Variants in IGSF8 observed in about 807,000 individuals in gnomAD.
IGSF8 encodes CD81 partner 3.
IGSF8 carries 46 observed loss-of-function variants against 55.5 expected under a neutral mutation model. That is an observed-to-expected ratio of 0.83 (90% CI 0.65 to 1.06). The LOEUF (loss-of-function observed/expected upper bound fraction) is 1.06. Ranked by LOEUF, IGSF8 falls within the 50% of genes least tolerant of loss-of-function variation. The pLI, the probability that IGSF8 is intolerant of heterozygous loss-of-function variation, is 0.00. For synonymous variants in IGSF8, 314 were observed against 356.1 expected, an observed-to-expected ratio of 0.88 and a Z score of 1.33; for missense variants, 731 against 832.3, an observed-to-expected ratio of 0.88 and a Z score of 1.50.
chr1:160,097,882 G>C, intron 1 of IGSF8: 1 of 985,492 alleles, frequency 1.0e-6, no homozygotes, highest in Non-Finnish European at 1.2e-6. Flanking sequence ...ACCCAGGGTG[G>C]AGATGGGGGT....
rs1557986144 is a variant in IGSF8 at position 160,092,914 on chromosome 1, C to A, written c.1312+10G>T. Reference sequence around the variant, plus strand: ...CCTCGAACCCCGTCCAGGGCCCAGCCCCCTCTCACCTTCCTCCCGCACATG... The same window carrying A: ...CCTCGAACCCCGTCCAGGGCCCAGCACCCTCTCACCTTCCTCCCGCACATG... On this transcript the variant is annotated intron_variant, in intron 4 of 6. Transcript: ENST00000314485. 6.3e-7 allele frequency: 1 copy of A among 1,587,262 alleles called. No homozygotes were observed. The highest frequency in any genetic ancestry group is 8.6e-7 in the Non-Finnish European group (1 of 1,160,196).
rs1391943308 is a variant in IGSF8 at position 160,092,521 on chromosome 1, A to T, written c.1487T>A (p.Leu496Gln). Residue 496 changes from leucine (L) to glutamine (Q), a missense_variant, in exon 5 of 7, where the codon CTG (leucine) becomes CAG (glutamine). By Grantham distance (113) the Leu-to-Gln change is moderately radical. Transcript: ENST00000314485. ...ACCATCCTGGCCTACGCCACCCACC[A>T]GCTGGGCAGGGACAGAGCTGAGCTC... ...DGELSSVPAQLVGGVGQDGVA... is the reference protein window; with the variant it reads ...DGELSSVPAQQVGGVGQDGVA... 1 of 1,613,136 alleles carries T rather than the reference A, an allele frequency of 6.2e-7. No individual in the cohort carries two copies. The highest frequency in any genetic ancestry group is 1.7e-5 in the Admixed American group (1 of 59,978).
intron 1 of IGSF8, chr1:160,097,899 G>A: frequency 4.1e-6 from 4 of 985,444 alleles, no homozygotes; most frequent in Middle Eastern, 5.2e-4. Flanking sequence ...GGGTGAGAGA[G>A]GGAACTGCCC....
At position 160,093,989 on chromosome 1, in the gene IGSF8, C is replaced by G. The variant is rs150607977; in HGVS notation, c.625G>C (p.Ala209Pro). ...AVSFGRSVPEAPVGRSTLQEV... is the reference protein window; with the variant it reads ...AVSFGRSVPEPPVGRSTLQEV... ...TGCAGAGTTGACCGCCCAACTGGTGCCTCGGGCACAGATCGCCCAAAGGAC... is the reference window on the plus strand; with the variant it reads ...TGCAGAGTTGACCGCCCAACTGGTGGCTCGGGCACAGATCGCCCAAAGGAC... The change falls in exon 3 of 7, where the codon GCA becomes CCA. Residue 209 changes from alanine (A) to proline (P), a missense_variant. Coordinates refer to ENST00000314485, the MANE Select transcript of IGSF8 (RefSeq NM_052868.6). 10 of 1,614,118 alleles carry G rather than the reference C, an allele frequency of 6.2e-6. No individual in the cohort carries two copies. In the African/African-American group the frequency reaches 1.3e-4, roughly 22 times the overall value.
chr1:160,097,693 C>T (rs1650527172), intron 1 of IGSF8: 1 of 985,436 alleles, frequency 1.0e-6, no homozygotes, highest in Non-Finnish European at 1.2e-6. Context: ...GCCCAGAACA[C>T]CCCACCATGA....
At position 160,094,927 on chromosome 1, in the gene IGSF8, G is replaced by A. The variant is rs1281923823; in HGVS notation, c.384C>T (p.His128=). Residue 128 remains histidine (H), a synonymous_variant, in exon 2 of 7, where the codon CAC becomes CAT. Transcript: ENST00000314485. This position sits in a 1 kb window ranked among gnomAD's most constrained non-coding sequence, Gnocchi z 4.0. Reference sequence around the variant, plus strand: ...GGTAGCGGGTATCAGTGGAGGGGGTGTGGCACTCATAAATGCCGGCATCCT... The same window carrying A: ...GGTAGCGGGTATCAGTGGAGGGGGTATGGCACTCATAAATGCCGGCATCCT... ...QAQDAGIYEC[H]TPSTDTRYLG... is the part of the protein sequence containing the mutation. 6.2e-7 allele frequency: 1 copy of A among 1,614,108 alleles called. No individual in the cohort carries two copies. Among genetic ancestry groups the A allele is most frequent in the Non-Finnish European group, 8.5e-7 (1 of 1,180,020 alleles).
rs1471237113 is a variant in IGSF8 at position 160,094,804 on chromosome 1, ACTTGTGGC to A, written c.442+57_442+64del. 4 of 1,530,388 alleles carry A rather than the reference ACTTGTGGC, an allele frequency of 2.6e-6. No homozygotes were observed. The highest frequency in any genetic ancestry group is 3.5e-6 in the Non-Finnish European group (4 of 1,128,538). 94.8% of individuals were successfully genotyped at this position (1,530,388 alleles called of 1,614,324 possible). ...AACCTAAGGGGCAACTAGATAGGTC[ACTTGTGGC>A]CTTGACTTTCTGCCTTGAGAGGGTG... On this transcript the variant is annotated intron_variant, in intron 2 of 6. Coordinates refer to ENST00000314485, the MANE Select transcript of IGSF8 (RefSeq NM_052868.6). The surrounding 1 kb of genome is among the most constrained non-coding windows in gnomAD (Gnocchi z 4.0).
intron 6 of IGSF8, 38 bp from the exon 7 acceptor site, chr1:160,091,646 C>G (rs1649959995): frequency 4.9e-6 from 3 of 616,206 alleles, no homozygotes; most frequent in Non-Finnish European, 8.9e-6. Flanking sequence ...GGACAGAGAG[C>G]CCTGAGTGGG....
Position 160,094,248 on chromosome 1 carries a change from C to A in IGSF8, c.443-77G>T, listed in dbSNP as rs1474359459. The A allele has an allele frequency of 1.1e-6, 1 of 904,484 alleles. No homozygotes were observed. Among genetic ancestry groups the A allele is most frequent in the Non-Finnish European group, 1.6e-6 (1 of 608,044 alleles). 56.0% of individuals were successfully genotyped at this position (904,484 alleles called of 1,614,324 possible). A position where few individuals can be genotyped will look rare whatever the true frequency, so the allele number is the denominator to read the frequency against. On this transcript the variant is annotated intron_variant, in intron 2 of 6. Transcript: ENST00000314485. This position sits in a 1 kb window ranked among gnomAD's most constrained non-coding sequence, Gnocchi z 4.0. ...ACTGTTTCCTGTGTATAGCCTATCT[C>A]CCTAAATAAACTGTGAGCTCCCAGA...
intron 3 of IGSF8, 109 bp downstream of exon 3, chr1:160,093,601 G>T: frequency 1.1e-6 from 1 of 919,750 alleles, no homozygotes; most frequent in Non-Finnish European, 1.6e-6. Context: ...TGTGGAAGAT[G>T]AGTTCCTTGG....
In IGSF8 at chr1:160,093,962, C is replaced by T; in HGVS notation, c.652G>A (p.Glu218Lys). Residue 218 changes from glutamate (E) to lysine (K), a missense_variant, in exon 3 of 7, where the codon GAA becomes AAA. Physicochemically the swap from Glu to Lys is moderately conservative, Grantham distance 56. Coordinates refer to ENST00000314485, the MANE Select transcript of IGSF8 (RefSeq NM_052868.6). ...EAPVGRSTLQ[E>K]VVGIRSDLAV... is the part of the protein sequence containing the mutation. ...AAGTCTGACCGGATTCCCACCACTT[C>T]CTGCAGAGTTGACCGCCCAACTGGT... 2.5e-6 allele frequency: 4 copies of T among 1,614,290 alleles called. No homozygotes were observed. The highest frequency in any genetic ancestry group is 1.6e-4 in the Middle Eastern group (1 of 6,062).
At chr1:160,098,839 A>C (rs61247522), upstream of IGSF8, 51,576 of 94,776 alleles carry the variant, frequency 0.54, 13,964 homozygotes, top group Admixed American at 0.56. Context: ...CTCACCTTTG[A>C]GTCGCATCGA....
chr1:160,092,723 G>A (rs772879917), intron 4 of IGSF8, 28 bp from the exon 5 acceptor site: 1 of 1,597,142 alleles, frequency 6.3e-7, no homozygotes, highest in South Asian at 1.1e-5. Context: ...TGGGGTCAGA[G>A]GGTGCAGGGC....
At chr1:160,096,854 C>T (rs1194956122) in intron 1 of IGSF8, among the ~76,000 whole-genome samples, 1 of 152,198 alleles carries the variant, frequency 6.6e-6, no homozygotes, top group African/African-American at 2.4e-5. Context: ...ATCAGAGTGA[C>T]GGTGGAGACA....
Position 160,098,398 on chromosome 1 carries a change from G to T in IGSF8, c.64+11C>A, listed in dbSNP as rs780855777. The T allele has an allele frequency of 1.3e-6, 2 of 1,552,132 alleles. No individual in the cohort carries two copies. The highest frequency in any genetic ancestry group is 2.4e-5 in the South Asian group (2 of 84,294). ...GGCAGGGCCGGGAACCGGAACGGGGGCCTGGCTTACCTAGCATTAGCAGCA... is the reference window on the plus strand; with the variant it reads ...GGCAGGGCCGGGAACCGGAACGGGGTCCTGGCTTACCTAGCATTAGCAGCA... On this transcript the variant is annotated intron_variant, in intron 1 of 6. Coordinates refer to ENST00000314485, the MANE Select transcript of IGSF8 (RefSeq NM_052868.6).
Position 160,098,541 on chromosome 1 carries a change from G to C in IGSF8, c.-69C>G. 8.9e-7 allele frequency: 1 copy of C among 1,121,884 alleles called. No individual in the cohort carries two copies. Among genetic ancestry groups the C allele is most frequent in the South Asian group, 1.4e-5 (1 of 70,348 alleles). The allele number at this position is 1,121,884 out of a possible 1,614,324, so 69.5% of individuals were successfully genotyped here. ...TTCTGGGGGGCCGGAAGGGTGGGGG[G>C]CGCATGCCCAGGTTGAGGGCAGGAA... is the stretch of plus-strand genomic sequence containing the variant. On this transcript the variant is annotated 5_prime_UTR_variant, in exon 1 of 7. Transcript: ENST00000314485.
rs1229784044 is a variant in IGSF8 at position 160,092,681 on chromosome 1, C to T, written c.1327G>A (p.Ala443Thr). 2 of 1,599,900 alleles carry T rather than the reference C, an allele frequency of 1.3e-6. No homozygotes were observed. The highest frequency in any genetic ancestry group is 1.7e-6 in the Non-Finnish European group (2 of 1,179,882). Reference protein sequence around the residue: ...HVREEGVVLEAVAWLAGGTVY... With the variant: ...HVREEGVVLETVAWLAGGTVY... ...GTGCCTCCTGCTAGCCATGCCACAG[C>T]CTCCAGCACCACACCTGCAGAACAA... Residue 443 changes from alanine (A) to threonine (T), a missense_variant, in exon 5 of 7, where the codon GCT becomes ACT. Coordinates refer to ENST00000314485, the MANE Select transcript of IGSF8 (RefSeq NM_052868.6).
Position 160,093,963 on chromosome 1 carries a change from C to T in IGSF8, c.651G>A (p.Gln217=). The T allele has an allele frequency of 6.2e-7, 1 of 1,614,272 alleles. No homozygotes were observed. ...AGTCTGACCGGATTCCCACCACTTC[C>T]TGCAGAGTTGACCGCCCAACTGGTG... ...PEAPVGRSTL[Q]EVVGIRSDLA... Residue 217 remains glutamine (Q), a synonymous_variant, in exon 3 of 7, where the codon CAG becomes CAA. Transcript: ENST00000314485.
At chr1:160,098,297 TGGAGGTACCCCTGACGGA>T (rs1399345162) in intron 1 of IGSF8, 94 bp downstream of exon 1, 1 of 1,435,216 alleles carries the variant, frequency 7.0e-7, no homozygotes, top group African/African-American at 1.4e-5. Context: ...CCGGGGAGGC[TGGAGGTACCCCTGACGGA>T]GGAGGATGTG....
Sources: allele counts gnomAD v4.1 joint callset (sites outside exome capture counted in the v4.1 genomes callset), GRCh38; gene constraint gnomAD v4.1.1; non-coding constraint Gnocchi (gnomAD v3.1); transcripts MANE v1.5; gene names NCBI Gene and HGNC (gene_info 2026-07-23, HGNC 2026-07-21).